MTHFD2L: variants seen among roughly 807,000 people sequenced by gnomAD.
MTHFD2L encodes bifunctional methylenetetrahydrofolate dehydrogenase/cyclohydrolase 2, mitochondrial.
A neutral mutation model predicts 34.9 loss-of-function variants in MTHFD2L; 29 were observed. The observed-to-expected ratio is 0.83, with a 90% CI of 0.62 to 1.13. The LOEUF (loss-of-function observed/expected upper bound fraction) is 1.13. Among genes scored for constraint, MTHFD2L ranks in the 50% most tolerant of loss-of-function variants. The probability of loss-of-function intolerance (pLI) is 0.00; values close to 1 mark genes in which losing one functional copy is unlikely to be tolerated. For missense variants in MTHFD2L, 481 were observed against 446.5 expected (o/e 1.08, Z -0.70); for synonymous variants, 167 against 155.7 (o/e 1.07, Z -0.54).
chr4:74,121,071 T>A (rs1345974331), upstream of MTHFD2L, among the ~76,000 whole-genome samples: 1 of 152,162 alleles, frequency 6.6e-6, no homozygotes, highest in Non-Finnish European at 1.5e-5. Context: ...TTAGCAAAGA[T>A]TTTGAAAAAG....
intron 1 of MTHFD2L, among the ~76,000 whole-genome samples, chr4:74,147,366 T>C (rs1187662058): frequency 2.6e-5 from 4 of 152,274 alleles, no homozygotes; most frequent in South Asian, 2.1e-4. Flanking sequence ...GAAGGTTATA[T>C]CCTGGCAGTG....
At chr4:74,142,777 G>T (rs1170356049) in intron 1 of MTHFD2L, among the ~76,000 whole-genome samples, 1 of 152,100 alleles carries the variant, frequency 6.6e-6, no homozygotes, top group Admixed American at 6.5e-5. Flanking sequence ...CCTGCAGAAT[G>T]GGAGAGCCAA....
At chr4:74,158,913 C>T (rs1347561126) in intron 1 of MTHFD2L, among the ~76,000 whole-genome samples, 3 of 152,120 alleles carry the variant, frequency 2.0e-5, no homozygotes, top group Non-Finnish European at 2.9e-5. Context: ...TATGCTTTAC[C>T]AGTCTTAGTT....
intron 1 of MTHFD2L, among the ~76,000 whole-genome samples, chr4:74,126,295 A>C (rs1252361897): frequency 1.3e-5 from 2 of 152,220 alleles, no homozygotes; most frequent in African/African-American, 4.8e-5. Context: ...AATAAAGATC[A>C]AAATAATTCT....
intron 6 of MTHFD2L, chr4:74,280,222 T>G (rs1443064062): frequency 1.3e-5 from 2 of 152,148 alleles, no homozygotes; most frequent in Non-Finnish European, 2.9e-5. Context: ...ACTGTGTTAC[T>G]TCTTGACCAA....
chr4:74,239,694 G>T (rs1371940806), intron 6 of MTHFD2L, among the ~76,000 whole-genome samples: 4 of 152,166 alleles, frequency 2.6e-5, no homozygotes, highest in Non-Finnish European at 4.4e-5. Flanking sequence ...CTCTGAGTGT[G>T]CAGATTGCAG....
At chr4:74,277,625 A>G (rs891279879) in intron 6 of MTHFD2L, among the ~76,000 whole-genome samples, 1 of 152,050 alleles carries the variant, frequency 6.6e-6, no homozygotes, top group Non-Finnish European at 1.5e-5. Flanking sequence ...TCTTTGTGGT[A>G]TATTATATTA....
At chr4:74,179,514 T>A (rs1413167466) in intron 3 of MTHFD2L, among the ~76,000 whole-genome samples, 3 of 152,112 alleles carry the variant, frequency 2.0e-5, no homozygotes, top group Non-Finnish European at 4.4e-5. Context: ...GGTACATTTT[T>A]GCTAGCAGAA....
chr4:74,277,188 A>G (rs1272601112), intron 6 of MTHFD2L, among the ~76,000 whole-genome samples: 1 of 151,574 alleles, frequency 6.6e-6, no homozygotes, highest in Non-Finnish European at 1.5e-5. Flanking sequence ...TGCAGCAAGA[A>G]TAAACAGAAG....
chr4:74,139,186 ATG>A (rs1723135799), intron 1 of MTHFD2L, among the ~76,000 whole-genome samples: 1 of 152,140 alleles, frequency 6.6e-6, no homozygotes, highest in African/African-American at 2.4e-5. Context: ...TGGCAGTAGA[ATG>A]TGTCTGAAGC....
At position 74,275,934 on chromosome 4, in the gene MTHFD2L, A is replaced by C. The variant is rs146738587; in HGVS notation, c.806-5491A>C. ...CTGATGATAGTTTCTTTTGCTGTGC[A>C]GAAGCACTTTAGTTTATTTACATCC... On this transcript the variant is annotated intron_variant, in intron 6 of 7. Coordinates refer to ENST00000325278, the MANE Select transcript of MTHFD2L (RefSeq NM_001144978.3). 3.5e-3 allele frequency among the ~76,000 whole-genome samples: 527 copies of C among 152,274 alleles called. 6 individuals are homozygous for C. The highest frequency in any genetic ancestry group is 0.012 in the African/African-American group (487 of 41,572).
upstream of MTHFD2L, among the ~76,000 whole-genome samples, chr4:74,154,617 T>A (rs1724136771): frequency 6.6e-6 from 1 of 152,130 alleles, no homozygotes; most frequent in South Asian, 2.1e-4. Context: ...CCCTGACATA[T>A]CCCCATCAAT....
chr4:74,218,861 G>A (rs2110104091), intron 5 of MTHFD2L, among the ~76,000 whole-genome samples: 1 of 152,052 alleles, frequency 6.6e-6, no homozygotes, highest in African/African-American at 2.4e-5. Flanking sequence ...TGATTTCTAA[G>A]AAAACTCTAA....
intron 1 of MTHFD2L, among the ~76,000 whole-genome samples, chr4:74,159,301 T>C (rs1335803623): frequency 1.3e-5 from 2 of 152,106 alleles, no homozygotes; most frequent in Non-Finnish European, 2.9e-5. Flanking sequence ...TGAATCAGAG[T>C]TGTGTAAGCT....
At chr4:74,257,691 A>C (rs1560536827) in intron 6 of MTHFD2L, among the ~76,000 whole-genome samples, 1 of 152,212 alleles carries the variant, frequency 6.6e-6, no homozygotes, top group Non-Finnish European at 1.5e-5. Flanking sequence ...TTTGGGCATT[A>C]GTTTTTGGGA....
intron 1 of MTHFD2L, among the ~76,000 whole-genome samples, chr4:74,134,654 G>A (rs1337143614): frequency 6.6e-6 from 1 of 152,100 alleles, no homozygotes; most frequent in Non-Finnish European, 1.5e-5. Context: ...CTGAGATGGC[G>A]ATTTGTGAAC....
intron 6 of MTHFD2L, chr4:74,267,802 A>G (rs1391242514): frequency 2.0e-6 from 2 of 985,254 alleles, no homozygotes; most frequent in Non-Finnish European, 2.4e-6. Flanking sequence ...TTGCAGAAAT[A>G]TGGTCCAAGG....
chr4:74,174,770 A>G, intron 2 of MTHFD2L, 80 bp downstream of exon 2: 1 of 1,021,692 alleles, frequency 9.8e-7, no homozygotes, highest in Non-Finnish European at 1.3e-6. Context: ...ATGAATGATA[A>G]TTATCAAATA....
chr4:74,187,800 TACACAC>T (rs61173269), intron 3 of MTHFD2L, among the ~76,000 whole-genome samples: 2 of 144,288 alleles, frequency 1.4e-5, no homozygotes, highest in African/African-American at 5.5e-5. Context: ...CCTGTGTATT[TACACAC>T]ACACACACAC....
Sources: gnomAD v4.1 joint callset for allele counts (sites outside exome capture counted in the v4.1 genomes callset) on GRCh38, gnomAD v4.1.1 for gene constraint, MANE v1.5 for transcripts, NCBI Gene and HGNC (gene_info 2026-07-23, HGNC 2026-07-21) for gene names.